CBFA2T2: variants seen among roughly 807,000 people sequenced by gnomAD.
CBFA2T2 encodes CBFA2/RUNX1 partner transcriptional co-repressor 2.
CBFA2T2 carries 11 observed loss-of-function variants against 62.2 expected under a neutral mutation model. That is an observed-to-expected ratio of 0.18 (90% CI 0.11 to 0.29). CBFA2T2 has a LOEUF of 0.29. CBFA2T2 is among the 10% of genes least tolerant of loss of function. The pLI is 1.00. For synonymous variants in CBFA2T2, 295 were observed against 287.5 expected (o/e 1.03, Z -0.27); for missense variants, 592 against 774.1 (o/e 0.76, Z 2.79).
At chr20:33,613,023 GT>G (rs1166407346) in intron 3 of CBFA2T2, among the ~76,000 whole-genome samples, 1 of 152,216 alleles carries the variant, frequency 6.6e-6, no homozygotes, top group Admixed American at 6.5e-5. Context: ...GGAAAGCTAT[GT>G]TTGCACCACT....
At chr20:33,491,667 T>C (rs1378803245) in intron 1 of CBFA2T2, among the ~76,000 whole-genome samples, 1 of 152,164 alleles carries the variant, frequency 6.6e-6, no homozygotes. Flanking sequence ...GATTACTCTT[T>C]TAGGCTTGCA....
At chr20:33,587,766 A>T (rs1463202384) in intron 1 of CBFA2T2, among the ~76,000 whole-genome samples, 1 of 152,202 alleles carries the variant, frequency 6.6e-6, no homozygotes, top group East Asian at 1.9e-4. Context: ...TGCTTCCAAG[A>T]CAAAAATTGA....
intron 10 of CBFA2T2, among the ~76,000 whole-genome samples, chr20:33,642,116 T>TG (rs1555851384): frequency 0.021 from 1,235 of 58,824 alleles, 10 homozygotes; most frequent in Non-Finnish European, 0.029. Context: ...TTTTTTTTTT[T>TG]TGTGTGTGTG....
chr20:33,614,187 T>A (rs2015624729), intron 3 of CBFA2T2, among the ~76,000 whole-genome samples: 1 of 152,194 alleles, frequency 6.6e-6, no homozygotes, highest in Non-Finnish European at 1.5e-5. Context: ...TGTAGGTGTG[T>A]CCAATTATTT....
In CBFA2T2 at chr20:33,606,713, C is replaced by A. The variant is rs2015353977; in HGVS notation, c.35-243C>A. On this transcript the variant is annotated intron_variant, in intron 1 of 10. Coordinates refer to ENST00000342704, the MANE Select transcript of CBFA2T2 (RefSeq NM_001032999.3). ...AGATTGGATTTAGAGCCCACCCAGA[C>A]AATCTAGGATGATCTCATCCTCTCA... Among the ~76,000 whole-genome samples the A allele has an allele frequency of 2.0e-5, 3 of 152,266 alleles. No individual in the cohort carries two copies. The South Asian group carries it at 6.2e-4, about 32-fold the overall frequency.
At chr20:33,529,201 AT>A (rs902374407) in intron 1 of CBFA2T2, among the ~76,000 whole-genome samples, 1 of 151,378 alleles carries the variant, frequency 6.6e-6, no homozygotes, top group East Asian at 2.0e-4. Flanking sequence ...AATTTTTTGT[AT>A]TTTTAGTAGA....
At chr20:33,514,973 T>G (rs2011575162) in intron 1 of CBFA2T2, among the ~76,000 whole-genome samples, 1 of 151,092 alleles carries the variant, frequency 6.6e-6, no homozygotes, top group Admixed American at 6.6e-5. Context: ...ATTACAGGCG[T>G]GAGCCACTGC....
chr20:33,618,553 C>T (rs1443047089), intron 3 of CBFA2T2: 1 of 152,000 alleles, frequency 6.6e-6, no homozygotes, highest in African/African-American at 2.4e-5. Context: ...GGGGGTTTGC[C>T]GGTTGGGAGT....
chr20:33,562,583 TAGG>T, intron 1 of CBFA2T2: 5 of 985,818 alleles, frequency 5.1e-6, no homozygotes, highest in Non-Finnish European at 6.0e-6. Context: ...CTTTGAAGAT[TAGG>T]AGGAGAAAAA....
chr20:33,599,684 G>T (rs2015038969), intron 1 of CBFA2T2, among the ~76,000 whole-genome samples: 1 of 151,884 alleles, frequency 6.6e-6, no homozygotes, highest in Non-Finnish European at 1.5e-5. Flanking sequence ...CACCTCCCAG[G>T]TTCAAGTGAT....
chr20:33,552,216 A>C (rs1427773668), intron 1 of CBFA2T2, among the ~76,000 whole-genome samples: 1 of 152,228 alleles, frequency 6.6e-6, no homozygotes, highest in Admixed American at 6.5e-5. Context: ...TTGGAAAATT[A>C]GAATATCTTG....
At position 33,498,445 on chromosome 20, in the gene CBFA2T2, G is replaced by A. The variant is rs138674540; in HGVS notation, c.34+8144G>A. Reference sequence around the variant, plus strand: ...TTTTGTATTTTTAGTGGAGATGGGGGTTTCATCATGTTGGCCAGGCTGGTC... The same window carrying A: ...TTTTGTATTTTTAGTGGAGATGGGGATTTCATCATGTTGGCCAGGCTGGTC... On this transcript the variant is annotated intron_variant, in intron 1 of 10. Transcript: ENST00000342704. Among the ~76,000 whole-genome samples, 823 of 151,798 alleles carry A rather than the reference G, an allele frequency of 5.4e-3. 11 individuals carry two copies. The highest frequency in any genetic ancestry group is 0.019 in the African/African-American group (773 of 41,424).
rs777488156 is a variant in CBFA2T2 at position 33,490,290 on chromosome 20, CCGCCTTCCAGCG to C, written c.24_34+1del. The C allele has an allele frequency of 7.9e-7, 1 of 1,270,486 alleles. No individual in the cohort carries two copies. The allele number at this position is 1,270,486 out of a possible 1,614,324, so 78.7% of individuals were successfully genotyped here. A position where few individuals can be genotyped will look rare whatever the true frequency, so the allele number is the denominator to read the frequency against. ...GCGATGGTAGGCGTCCCTGGAGCGG[CCGCCTTCCAGCG>C]TAAGTGGGGCGTGAATGCGGGCGGC... is the stretch of plus-strand genomic sequence containing the variant. On this transcript the variant is annotated splice_donor_variant and coding_sequence_variant, in exon 1 of 11. Coordinates refer to ENST00000342704, the MANE Select transcript of CBFA2T2 (RefSeq NM_001032999.3). LOFTEE classifies it high-confidence loss of function.
chr20:33,512,916 C>G (rs1249579862), intron 1 of CBFA2T2, among the ~76,000 whole-genome samples: 1 of 151,998 alleles, frequency 6.6e-6, no homozygotes, highest in East Asian at 1.9e-4. Context: ...CCAAGCCCAG[C>G]TAATTTTTTG....
rs546494801 is a variant in CBFA2T2 at position 33,645,171 on chromosome 20, T to C, written c.*525T>C. 1.3e-5 allele frequency: 2 copies of C among 154,364 alleles called. No homozygotes were observed. The highest frequency in any genetic ancestry group is 3.8e-4 in the East Asian group (2 of 5,222). The allele number at this position is 154,364 out of a possible 1,614,324, so 9.6% of individuals were successfully genotyped here. A position where few individuals can be genotyped will look rare whatever the true frequency, so the allele number is the denominator to read the frequency against. On this transcript the variant is annotated 3_prime_UTR_variant, in exon 11 of 11. Coordinates refer to ENST00000342704, the MANE Select transcript of CBFA2T2 (RefSeq NM_001032999.3). ...AAGCAACAGGCGGCATTCAGGACTCTTCTCAACCCTGCTGTTCAGACTTGA... is the reference window on the plus strand; with the variant it reads ...AAGCAACAGGCGGCATTCAGGACTCCTCTCAACCCTGCTGTTCAGACTTGA...
chr20:33,565,166 G>T (rs530558707), intron 1 of CBFA2T2, among the ~76,000 whole-genome samples: 1 of 151,988 alleles, frequency 6.6e-6, no homozygotes, highest in African/African-American at 2.4e-5. Context: ...TGATCTGCCC[G>T]CCTTGGCCTC....
At chr20:33,584,726 T>G (rs548706348) in intron 1 of CBFA2T2, among the ~76,000 whole-genome samples, 185 of 152,278 alleles carry the variant, frequency 1.2e-3, no homozygotes, top group African/African-American at 4.3e-3. Context: ...GTGTGCAGTT[T>G]AGAACAGGAT....
chr20:33,640,390 G>A lies in CBFA2T2; in HGVS notation c.1347G>A (p.Lys449=). 6.2e-7 allele frequency: 1 copy of A among 1,614,254 alleles called. No homozygotes were observed. The highest frequency in any genetic ancestry group is 8.5e-7 in the Non-Finnish European group (1 of 1,180,032). Residue 449 remains lysine (K), a synonymous_variant, in exon 10 of 11, where the codon AAG becomes AAA. Transcript: ENST00000342704. The part of the protein sequence containing the change: ...VKIQAMSEVQ[K]AVAEAEQKAF... ...TTCAGGCCATGTCAGAAGTACAGAA[G>A]GCCGTCGCTGAGGCAGAGCAGAAAG... is the stretch of plus-strand genomic sequence containing the variant.
intron 1 of CBFA2T2, among the ~76,000 whole-genome samples, chr20:33,507,801 C>A (rs927465277): frequency 6.6e-6 from 1 of 152,082 alleles, no homozygotes; most frequent in African/African-American, 2.4e-5. Context: ...TTTCATAGAT[C>A]TGTAGAGTAA....
Sources: allele counts gnomAD v4.1 joint callset (sites outside exome capture counted in the v4.1 genomes callset), GRCh38; gene constraint gnomAD v4.1.1; transcripts MANE v1.5; gene names NCBI Gene and HGNC (gene_info 2026-07-23, HGNC 2026-07-21).